SMPD4: variants seen among roughly 807,000 people sequenced by gnomAD.
SMPD4 encodes the protein neutral sphingomyelinase 3.
SMPD4 carries 58 observed loss-of-function variants against 97.8 expected under a neutral mutation model. That is an observed-to-expected ratio of 0.59 (90% confidence interval 0.48 to 0.74). The LOEUF is 0.74. Ranked by LOEUF, SMPD4 falls within the 30% of genes least tolerant of loss-of-function variation. The probability of loss-of-function intolerance (pLI) is 0.00; values close to 1 mark genes in which losing one functional copy is unlikely to be tolerated. For missense variants in SMPD4, 853 were observed against 1,080.5 expected (o/e 0.79, Z 2.95); for synonymous variants, 388 against 450.0 (o/e 0.86, Z 1.74).
At chr2:130,177,437 C>T (rs1018796359) in intron 1 of SMPD4, among the ~76,000 whole-genome samples, 1 of 152,064 alleles carries the variant, frequency 6.6e-6, no homozygotes, top group African/African-American at 2.4e-5. Context: ...GTGGCTCCCA[C>T]CTGTAATCCT....
intron 2 of SMPD4, among the ~76,000 whole-genome samples, chr2:130,175,247 G>A (rs903703946): frequency 6.6e-6 from 1 of 152,146 alleles, no homozygotes; most frequent in Non-Finnish European, 1.5e-5. Context: ...TCAGAGTGCT[G>A]CACATGATCA....
At chr2:130,159,248 A>G (rs1473947350) in intron 11 of SMPD4, among the ~76,000 whole-genome samples, 3 of 151,844 alleles carry the variant, frequency 2.0e-5, no homozygotes, top group Non-Finnish European at 4.4e-5. Context: ...GCCTGCCTCA[A>G]CCTCCCAAAG....
intron 11 of SMPD4, among the ~76,000 whole-genome samples, chr2:130,160,958 A>G (rs1329274480): frequency 6.6e-6 from 1 of 152,112 alleles, no homozygotes; most frequent in African/African-American, 2.4e-5. Context: ...ACATGCCCAC[A>G]TGCCTCGTTC....
rs753746077 is a variant in SMPD4 at position 130,152,839 on chromosome 2, C to T, written c.2200G>A (p.Gly734Ser). 6.9e-6 allele frequency: 11 copies of T among 1,596,340 alleles called. No homozygotes were observed. Among genetic ancestry groups the T allele is most frequent in the East Asian group, 4.5e-5 (2 of 44,590 alleles). ...AALCSRDDFLGSFCRYHLTEP... is the reference protein window; with the variant it reads ...AALCSRDDFLSSFCRYHLTEP... ...GTGAGGTGGTAGCGACAGAAGCTGC[C>T]GAGGAAGTCATCCCGGGAACACAGA... The change falls in exon 20 of 20, where the codon GGC (glycine) becomes AGC (serine). Residue 734 changes from glycine (G) to serine (S), a missense_variant. Gly to Ser is a moderately conservative substitution (Grantham distance 56). Coordinates refer to ENST00000680298, the MANE Select transcript of SMPD4 (RefSeq NM_017951.5).
In SMPD4 at chr2:130,173,636, T is replaced by C. The variant is rs758093480; in HGVS notation, c.147A>G (p.Pro49=). The C allele has an allele frequency of 5.0e-6, 8 of 1,613,908 alleles. No homozygotes were observed. Among genetic ancestry groups the C allele is most frequent in the Admixed American group, 3.3e-5 (2 of 59,996 alleles). ...FPAKELHTIF[P]WLVESIFGSL... ...TGCCAAAAATGCTTTCTACCAGCCA[T>C]GGGAAGATGGTGTGCAGCTCCTGAA... Residue 49 remains proline (P), a synonymous_variant, in exon 4 of 20, where the codon CCA becomes CCG. Transcript: ENST00000680298.
chr2:130,152,277 CGT>C lies in SMPD4; in HGVS notation c.*276_*277del, dbSNP rs1295535528. The C allele has an allele frequency of 1.6e-5, 6 of 376,554 alleles. No homozygotes were observed. In the South Asian group the frequency reaches 2.5e-4, roughly 16 times the overall value. The allele number at this position is 376,554 out of a possible 1,614,324, so 23.3% of individuals were successfully genotyped here. A position where few individuals can be genotyped will look rare whatever the true frequency, so the allele number is the denominator to read the frequency against. On this transcript the variant is annotated 3_prime_UTR_variant, in exon 20 of 20. Coordinates refer to ENST00000680298, the MANE Select transcript of SMPD4 (RefSeq NM_017951.5). ...AAAAGGCCCCGAGAGCTGGCTTGGC[CGT>C]GAGTCCTTGGCGGAGGGAGGGAAAG...
intron 9 of SMPD4, 122 bp downstream of exon 9, chr2:130,167,336 G>C: frequency 7.2e-7 from 1 of 1,394,684 alleles, no homozygotes; most frequent in South Asian, 1.3e-5. Flanking sequence ...GGCCAGGTTG[G>C]TCCCAAACTC....
chr2:130,151,960 G>A lies in SMPD4; in HGVS notation c.*595C>T, dbSNP rs1686285607. On this transcript the variant is annotated 3_prime_UTR_variant, in exon 20 of 20. Coordinates refer to ENST00000680298, the MANE Select transcript of SMPD4 (RefSeq NM_017951.5). ...GGCTCTGGGAGGGTCTTAGGCTCCT[G>A]AAACATGGAATTCTACGGCCCAGTC... 1 of 153,196 alleles carries A rather than the reference G, an allele frequency of 6.5e-6. No homozygotes were observed. The highest frequency in any genetic ancestry group is 2.1e-4 in the South Asian group (1 of 4,840). The allele number at this position is 153,196 out of a possible 1,614,324, so 9.5% of individuals were successfully genotyped here.
intron 14 of SMPD4, among the ~76,000 whole-genome samples, chr2:130,155,712 G>A (rs1206508538): frequency 1.3e-5 from 2 of 152,024 alleles, no homozygotes; most frequent in African/African-American, 2.4e-5. Flanking sequence ...CTTGATCACC[G>A]CTGCTCTGTT....
At chr2:130,164,305 G>A in intron 10 of SMPD4, 69 bp downstream of exon 10, 1 of 1,362,268 alleles carries the variant, frequency 7.3e-7, no homozygotes, top group Non-Finnish European at 1.1e-6. Flanking sequence ...CTCACTCAGA[G>A]GCAGGATAAG....
At chr2:130,171,130 C>G (rs1205453879) in intron 8 of SMPD4, among the ~76,000 whole-genome samples, 1 of 108,400 alleles carries the variant, frequency 9.2e-6, no homozygotes, top group Non-Finnish European at 1.7e-5. Flanking sequence ...TATATAATTT[C>G]TTTTCTTTTT....
chr2:130,167,086 C>T (rs983490059), intron 9 of SMPD4, among the ~76,000 whole-genome samples: 2 of 152,044 alleles, frequency 1.3e-5, no homozygotes, highest in Non-Finnish European at 2.9e-5. Flanking sequence ...GGGACTCTGC[C>T]CCACATAGTG....
chr2:130,157,441 C>T (rs1686925486), intron 11 of SMPD4, 45 bp from the exon 12 acceptor site: 4 of 1,609,580 alleles, frequency 2.5e-6, no homozygotes, highest in Non-Finnish European at 1.7e-6. Flanking sequence ...GAGCGTGGCA[C>T]CCATAGCACT....
intron 10 of SMPD4, among the ~76,000 whole-genome samples, chr2:130,162,701 C>T (rs34972981): frequency 9.3e-4 from 142 of 152,326 alleles, no homozygotes; most frequent in South Asian, 3.9e-3. Flanking sequence ...GGGATTTCTG[C>T]ATGGCAGTAC....
In SMPD4 at chr2:130,181,526, T is replaced by C; in HGVS notation, c.-46+4A>G. ...GTCTCAGGCGCGCATCCCGCGCCAC[T>C]CACCTGTGGGATCCATAGCGTCGCT... On this transcript the variant is annotated splice_donor_region_variant and intron_variant, in intron 1 of 19. Coordinates refer to ENST00000680298, the MANE Select transcript of SMPD4 (RefSeq NM_017951.5). The C allele has an allele frequency of 6.2e-7, 1 of 1,602,176 alleles. No homozygotes were observed. The highest frequency in any genetic ancestry group is 8.5e-7 in the Non-Finnish European group (1 of 1,175,490).
chr2:130,154,498 CGAA>C lies in SMPD4; in HGVS notation c.1454-19_1454-17del. On this transcript the variant is annotated splice_polypyrimidine_tract_variant and intron_variant, in intron 15 of 19. Coordinates refer to ENST00000680298, the MANE Select transcript of SMPD4 (RefSeq NM_017951.5). ...AGCTGCTCACCTAGAAGGCAGGAGA[CGAA>C]CCTGGCACCCACTTCCCGGAGGCAG... 6.4e-7 allele frequency: 1 copy of C among 1,551,768 alleles called. No homozygotes were observed. The highest frequency in any genetic ancestry group is 1.2e-5 in the South Asian group (1 of 84,158).
At chr2:130,181,705 G>A (rs539280409), upstream of SMPD4, 2 of 1,548,500 alleles carry the variant, frequency 1.3e-6, no homozygotes, top group South Asian at 1.2e-5. Context: ...AGGCCGGCCG[G>A]GCGGGGAAGA....
rs775029144 is a variant in SMPD4, at chr2:130,153,470, C to T, written c.1894-20G>A. ...GCTGAGCTGCCAGAGAGAAATGCCA[C>T]TGCCCTCAGCATCAAGATGAAGAGA... On this transcript the variant is annotated intron_variant, in intron 17 of 19. Transcript: ENST00000680298. The T allele has an allele frequency of 4.3e-6, 7 of 1,613,020 alleles. No homozygotes were observed. The Admixed American group carries it at 6.7e-5, about 15-fold the overall frequency.
At chr2:130,172,970 A>C in intron 5 of SMPD4, 75 bp from the exon 6 acceptor site, 1 of 1,533,692 alleles carries the variant, frequency 6.5e-7, no homozygotes, top group Non-Finnish European at 8.8e-7. Context: ...CCACATGCAC[A>C]GCAGCACTTT....
Sources: allele counts gnomAD v4.1 joint callset (sites outside exome capture counted in the v4.1 genomes callset), GRCh38; gene constraint gnomAD v4.1.1; transcripts MANE v1.5; gene names NCBI Gene and HGNC (gene_info 2026-07-23, HGNC 2026-07-21).